PKD1L1: variants seen among roughly 807,000 people sequenced by gnomAD.
The protein encoded by PKD1L1 is polycystin-1-like protein 1.
A neutral mutation model predicts 323.4 loss-of-function variants in PKD1L1; 236 were observed. That is an observed-to-expected ratio of 0.73 (90% CI 0.66 to 0.81). PKD1L1 has a LOEUF of 0.81. PKD1L1 is among the 40% of genes least tolerant of loss of function. The probability of loss-of-function intolerance (pLI) is 0.00; values close to 1 mark genes in which losing one functional copy is unlikely to be tolerated. For synonymous variants in PKD1L1, 1,344 were observed against 1,335.0 expected, an observed-to-expected ratio of 1.01 and a Z score of -0.15; for missense variants, 3,320 against 3,508.0, an observed-to-expected ratio of 0.95 and a Z score of 1.35.
chr7:47,828,439 T>C (rs1785278812), intron 44 of PKD1L1, among the ~76,000 whole-genome samples: 1 of 151,922 alleles, frequency 6.6e-6, no homozygotes, highest in African/African-American at 2.4e-5. Context: ...AAGGGCAACG[T>C]TGCTTCTCAA....
At position 47,880,818 on chromosome 7, in the gene PKD1L1, C is replaced by T. The variant is rs188195541; in HGVS notation, c.3443-13G>A. On this transcript the variant is annotated splice_polypyrimidine_tract_variant and intron_variant, in intron 20 of 56. Transcript: ENST00000289672. ...TGTTCTGTAATACCTGCAGAAAAGA[C>T]ATGGCTGCATGGAAATGACAGTCAG... The T allele has an allele frequency of 3.8e-5, 61 of 1,587,502 alleles. 1 individual carries two copies. In the East Asian group the frequency reaches 1.4e-3, roughly 36 times the overall value.
chr7:47,775,272 C>T, intron 56 of PKD1L1, 106 bp from the exon 57 acceptor site: 1 of 1,261,254 alleles, frequency 7.9e-7, no homozygotes, highest in East Asian at 2.5e-5. Context: ...CTGAACACCA[C>T]CATCAGCTAA....
chr7:47,819,608 A>T (rs756565225), intron 46 of PKD1L1: 1 of 1,347,862 alleles, frequency 7.4e-7, no homozygotes, highest in Non-Finnish European at 9.9e-7. Context: ...GGAGGCAGAA[A>T]ATTCCACTTA....
intron 45 of PKD1L1, among the ~76,000 whole-genome samples, chr7:47,821,971 G>A (rs914353469): frequency 6.6e-6 from 1 of 152,262 alleles, no homozygotes; most frequent in South Asian, 2.1e-4. Context: ...TTACAGGCAT[G>A]AGTCACCATG....
At chr7:47,821,738 A>G (rs1306478735) in intron 45 of PKD1L1, among the ~76,000 whole-genome samples, 2 of 150,626 alleles carry the variant, frequency 1.3e-5, no homozygotes, top group Non-Finnish European at 2.9e-5. Flanking sequence ...CCTAGACTGG[A>G]GTGCAGTGGC....
In PKD1L1 at chr7:47,918,853, G is replaced by A. The variant is rs951580034; in HGVS notation, c.1061-3254C>T. Among the ~76,000 whole-genome samples, 7 of 152,110 alleles carry A rather than the reference G, an allele frequency of 4.6e-5. No individual in the cohort carries two copies. The East Asian group carries it at 1.3e-3, about 29-fold the overall frequency. ...AGTGACACAACGTATCAAAACCTCT[G>A]GGACACAGCAAAGGTGGTGCTAAGT... On this transcript the variant is annotated intron_variant, in intron 7 of 56. Transcript: ENST00000289672.
At chr7:47,947,343 T>A (rs1215590041) in intron 1 of PKD1L1, among the ~76,000 whole-genome samples, 1 of 152,212 alleles carries the variant, frequency 6.6e-6, no homozygotes, top group East Asian at 1.9e-4. Flanking sequence ...AGTTTACAGA[T>A]GTGACAACAG....
chr7:47,930,321 C>T (rs567037753), intron 6 of PKD1L1, among the ~76,000 whole-genome samples: 5 of 151,568 alleles, frequency 3.3e-5, no homozygotes, highest in Non-Finnish European at 7.4e-5. Flanking sequence ...CTGGCTAACA[C>T]GGTGAAACCC....
At position 47,792,720 on chromosome 7, in the gene PKD1L1, T is replaced by A. The variant is rs778396998; in HGVS notation, c.8433A>T (p.Gln2811His). Reference sequence around the variant, plus strand: ...TGGATGTTTTTTCCAGAAGGGGGAGTTGTAGGCTGTCGGACAAACCATTAA... The same window carrying A: ...TGGATGTTTTTTCCAGAAGGGGGAGATGTAGGCTGTCGGACAAACCATTAA... Reference protein sequence around the residue: ...MKINGLSDSLQLPLLEKTSNN... With the variant: ...MKINGLSDSLHLPLLEKTSNN... Residue 2811 changes from glutamine to histidine, a missense_variant, in exon 56 of 57, where the codon CAA (glutamine) becomes CAT (histidine). Physicochemically the swap from Gln to His is conservative, Grantham distance 24 (BLOSUM62 0). Transcript: ENST00000289672. 6.8e-6 allele frequency: 11 copies of A among 1,613,896 alleles called. No homozygotes were observed. Among genetic ancestry groups the A allele is most frequent in the South Asian group, 1.1e-5 (1 of 91,058 alleles).
At position 47,813,133 on chromosome 7, in the gene PKD1L1, A is replaced by G. The variant is rs1213369562; in HGVS notation, c.7334T>C (p.Leu2445Pro). The stretch of plus-strand genomic sequence containing the variant: ...GAATCTCACTGACCTTGTTCTGCCC[A>G]GGCTGAGCACACAGTCCTCCCTTGT... ...CGTREDCVLS[L>P]GRTRTEAHTA... Residue 2445 changes from leucine to proline, a missense_variant, in exon 49 of 57, where the codon CTG (leucine) becomes CCG (proline). Transcript: ENST00000289672. 3.7e-6 allele frequency: 6 copies of G among 1,613,260 alleles called. No individual in the cohort carries two copies. Among genetic ancestry groups the G allele is most frequent in the Non-Finnish European group, 5.1e-6 (6 of 1,179,958 alleles).
At chr7:47,958,950 T>C in the PKD1L1 span, among the ~76,000 whole-genome samples, 1 of 152,130 alleles carries the variant, frequency 6.6e-6, no homozygotes, top group African/African-American at 2.4e-5. Flanking sequence ...GCCTGCCGAG[T>C]GCCTGCGATT....
intron 7 of PKD1L1, among the ~76,000 whole-genome samples, chr7:47,918,469 C>A (rs1217465549): frequency 1.7e-4 from 23 of 137,950 alleles, no homozygotes; most frequent in East Asian, 4.0e-4. Context: ...AGAAAGTCAA[C>A]AACAAAAAAA....
intron 8 of PKD1L1, 40 bp from the exon 9 acceptor site, chr7:47,908,290 A>G (rs762823641): frequency 8.3e-6 from 13 of 1,562,362 alleles, no homozygotes; most frequent in African/African-American, 1.4e-5. Context: ...ATGAATTTTT[A>G]ATAACAAGCA....
Position 47,833,091 on chromosome 7 carries a change from T to C in PKD1L1, c.6336A>G (p.Gln2112=). The C allele has an allele frequency of 1.2e-6, 2 of 1,609,970 alleles. No individual in the cohort carries two copies. The highest frequency in any genetic ancestry group is 1.7e-6 in the Non-Finnish European group (2 of 1,178,246). Residue 2112 remains glutamine, a splice_region_variant and synonymous_variant, in exon 41 of 57, where the codon CAA becomes CAG. Coordinates refer to ENST00000289672, the MANE Select transcript of PKD1L1 (RefSeq NM_138295.5). ...GCTGTGGTTGCAAGCCACAGTTACC[T>C]TGAGTGTGGGGAGGGCAGCAGTGGC... is the stretch of plus-strand genomic sequence containing the variant. ...GKSHCCPPHT[Q]APSSGLEGLM...
At chr7:47,932,521 C>T (rs1787791890) in intron 4 of PKD1L1, among the ~76,000 whole-genome samples, 1 of 152,208 alleles carries the variant, frequency 6.6e-6, no homozygotes, top group Non-Finnish European at 1.5e-5. Context: ...GGGAATGGGA[C>T]TCAAGGACCG....
At chr7:47,880,273 TATATATATA>T (rs1786517007) in intron 21 of PKD1L1, among the ~76,000 whole-genome samples, 1 of 80,510 alleles carries the variant, frequency 1.2e-5, no homozygotes, top group African/African-American at 5.8e-5. Context: ...TACATATATA[TATATATATA>T]TATTTTTTTT....
chr7:47,876,264 G>T lies in PKD1L1; in HGVS notation c.3664-47C>A, dbSNP rs774596599. The T allele has an allele frequency of 3.8e-6, 6 of 1,596,134 alleles. No homozygotes were observed. The African/African-American group carries it at 8.0e-5, about 21-fold the overall frequency. ...CAAAAATAGTATAAATGAACACACT[G>T]TGAATGATATCACAATACATACACA... On this transcript the variant is annotated intron_variant, in intron 22 of 56. Coordinates refer to ENST00000289672, the MANE Select transcript of PKD1L1 (RefSeq NM_138295.5).
chr7:47,932,670 AG>A (rs1342724092), intron 4 of PKD1L1, among the ~76,000 whole-genome samples: 3 of 151,998 alleles, frequency 2.0e-5, no homozygotes, highest in Admixed American at 2.0e-4. Context: ...GGTGAGGCAC[AG>A]CAGGTTCCTT....
At chr7:47,901,613 G>A (rs1051597116) in intron 13 of PKD1L1, among the ~76,000 whole-genome samples, 4 of 152,178 alleles carry the variant, frequency 2.6e-5, no homozygotes, top group African/African-American at 4.8e-5. Context: ...GCCCAACAGC[G>A]TGGGTGCTCG....
Sources: gnomAD v4.1 joint callset for allele counts (sites outside exome capture counted in the v4.1 genomes callset) on GRCh38, gnomAD v4.1.1 for gene constraint, MANE v1.5 for transcripts, NCBI Gene and HGNC (gene_info 2026-07-23, HGNC 2026-07-21) for gene names.